Variants in ZBTB20 observed in about 807,000 individuals in gnomAD.
ZBTB20 encodes the protein zinc finger and BTB domain containing 20, also known as zinc finger and BTB domain-containing protein 20.
In ZBTB20, 9 loss-of-function variants were observed where a neutral mutation model predicts 56.9. The observed-to-expected ratio is 0.16, with a 90% CI of 0.10 to 0.28. ZBTB20 has a LOEUF of 0.28. Among genes scored for constraint, ZBTB20 ranks in the 10% least tolerant of loss-of-function variants. The pLI is 1.00. For missense variants in ZBTB20, 655 were observed against 1,003.0 expected (o/e 0.65, Z 4.69); for synonymous variants, 417 against 420.7 (o/e 0.99, Z 0.11).
chr3:114,781,408 G>A (rs9853475), intron 5 of ZBTB20, among the ~76,000 whole-genome samples: 86,540 of 152,090 alleles, frequency 0.57, 28,468 homozygotes, highest in Non-Finnish European at 0.72. Context: ...CATTTTGCAG[G>A]GGGGAGATAA....
chr3:114,800,011 C>A lies in ZBTB20; in HGVS notation c.-343+1090G>T, dbSNP rs545301282. Among the ~76,000 whole-genome samples the A allele has an allele frequency of 8.6e-5, 13 of 152,034 alleles. No homozygotes were observed. In the Middle Eastern group the frequency reaches 0.01, roughly 119 times the overall value. ...AATCACCTTTAGTGTACTCTGTTGA[C>A]TGGGGGCTGTGACACTCTAAAAACC... On this transcript the variant is annotated intron_variant, in intron 5 of 11. Coordinates refer to ENST00000675478, the MANE Select transcript of ZBTB20 (RefSeq NM_001348800.3).
At chr3:114,347,091 T>G (rs368147384) in intron 11 of ZBTB20, among the ~76,000 whole-genome samples, 32,541 of 129,424 alleles carry the variant, frequency 0.25, 4,475 homozygotes, top group South Asian at 0.31. Context: ...TTTTTTTTTT[T>G]TTTTTTTTTT....
At chr3:114,756,689 CTAAGT>C (rs1460565870) in intron 5 of ZBTB20, among the ~76,000 whole-genome samples, 1 of 152,044 alleles carries the variant, frequency 6.6e-6, no homozygotes, top group Admixed American at 6.6e-5. Flanking sequence ...TGTATTCAGG[CTAAGT>C]TTAGTCTACT....
At chr3:114,874,753 A>T (rs1401073451) in intron 4 of ZBTB20, among the ~76,000 whole-genome samples, 1 of 152,098 alleles carries the variant, frequency 6.6e-6, no homozygotes, top group East Asian at 1.9e-4. Flanking sequence ...GTCCTTTTTC[A>T]TGTACAGGTC....
intron 7 of ZBTB20, among the ~76,000 whole-genome samples, chr3:114,413,538 T>A (rs1260534605): frequency 6.6e-6 from 1 of 152,156 alleles, no homozygotes; most frequent in African/African-American, 2.4e-5. Context: ...CAGTTTCCTG[T>A]CCCTGTGATC....
At chr3:114,647,691 A>G (rs2059923621) in intron 6 of ZBTB20, among the ~76,000 whole-genome samples, 3 of 152,202 alleles carry the variant, frequency 2.0e-5, no homozygotes, top group African/African-American at 7.2e-5. Context: ...CCTGTATTAC[A>G]TATACAATGT....
At chr3:114,442,302 G>C (rs1174638447) in intron 7 of ZBTB20, among the ~76,000 whole-genome samples, 2 of 152,148 alleles carry the variant, frequency 1.3e-5, no homozygotes, top group East Asian at 3.8e-4. Context: ...TAAATGAATA[G>C]AGAGTGAAAA....
At chr3:115,013,615 C>G (rs2079814361) in intron 2 of ZBTB20, among the ~76,000 whole-genome samples, 1 of 151,646 alleles carries the variant, frequency 6.6e-6, no homozygotes. Context: ...AAAGAACACC[C>G]AATCCTACTC....
intron 5 of ZBTB20, among the ~76,000 whole-genome samples, chr3:114,770,664 T>C (rs1009120863): frequency 1.3e-5 from 2 of 152,216 alleles, no homozygotes; most frequent in African/African-American, 4.8e-5. Context: ...ATCTGTATGT[T>C]ACCTTCATTT....
At chr3:114,595,502 AG>A (rs1366314345) in intron 6 of ZBTB20, among the ~76,000 whole-genome samples, 1 of 152,262 alleles carries the variant, frequency 6.6e-6, no homozygotes, top group Non-Finnish European at 1.5e-5. Flanking sequence ...CTCAAATGTT[AG>A]AGACCTGAAT....
intron 6 of ZBTB20, among the ~76,000 whole-genome samples, chr3:114,543,978 A>G (rs1577417668): frequency 6.6e-6 from 1 of 152,286 alleles, no homozygotes; most frequent in Non-Finnish European, 1.5e-5. Flanking sequence ...AAACCAAATG[A>G]CAAAGTACAG....
intron 5 of ZBTB20, among the ~76,000 whole-genome samples, chr3:114,723,701 G>A (rs2065069802): frequency 6.6e-6 from 1 of 152,162 alleles, no homozygotes; most frequent in Non-Finnish European, 1.5e-5. Context: ...TTGAGGACCA[G>A]AGTCAGCCAC....
chr3:114,525,282 T>C (rs1278870921), intron 6 of ZBTB20, among the ~76,000 whole-genome samples: 2 of 152,174 alleles, frequency 1.3e-5, no homozygotes, highest in African/African-American at 4.8e-5. Context: ...AATTAATAAA[T>C]GCCCCCTATA....
chr3:114,692,431 A>C (rs1457625080), intron 6 of ZBTB20, among the ~76,000 whole-genome samples: 1 of 152,188 alleles, frequency 6.6e-6, no homozygotes, highest in Non-Finnish European at 1.5e-5. Context: ...GGATATGGAA[A>C]GTCTCTGTTA....
At chr3:114,390,558 T>C (rs2085754781) in intron 7 of ZBTB20, among the ~76,000 whole-genome samples, 1 of 152,222 alleles carries the variant, frequency 6.6e-6, no homozygotes, top group Middle Eastern at 3.2e-3. Context: ...CTTTCTTCTG[T>C]TCTCTAAATG....
At chr3:115,012,621 G>A (rs533890325) in intron 2 of ZBTB20, among the ~76,000 whole-genome samples, 2 of 151,782 alleles carry the variant, frequency 1.3e-5, no homozygotes, top group African/African-American at 2.4e-5. Context: ...ATAATAGTTG[G>A]AGACTTTAAC....
chr3:114,346,844 C>A (rs943514028), intron 11 of ZBTB20, among the ~76,000 whole-genome samples: 1 of 151,832 alleles, frequency 6.6e-6, no homozygotes, highest in Non-Finnish European at 1.5e-5. Flanking sequence ...CAGCACCATG[C>A]CTGGTTAATT....
At chr3:114,886,785 C>G (rs614149) in intron 4 of ZBTB20, among the ~76,000 whole-genome samples, 72,252 of 151,936 alleles carry the variant, frequency 0.48, 17,886 homozygotes, top group East Asian at 0.78. Context: ...TAAAAAATAC[C>G]AAGGTGCTAA....
chr3:114,511,922 C>G (rs974348476), intron 6 of ZBTB20, among the ~76,000 whole-genome samples: 4 of 152,076 alleles, frequency 2.6e-5, no homozygotes, highest in African/African-American at 4.8e-5. Context: ...AAATCAAGCT[C>G]TTATATCTAG....
Sources: allele counts gnomAD v4.1 joint callset (sites outside exome capture counted in the v4.1 genomes callset), GRCh38; gene constraint gnomAD v4.1.1; transcripts MANE v1.5; gene names NCBI Gene and HGNC (gene_info 2026-07-23, HGNC 2026-07-21).